TNFSF4: variants seen among roughly 807,000 people sequenced by gnomAD.
TNFSF4 encodes the protein tumor necrosis factor ligand superfamily member 4.
Under a neutral mutation model 7.3 loss-of-function variants are expected in TNFSF4, and 4 were observed. The ratio of observed to expected loss-of-function variants is 0.55; its 90% CI spans 0.27 to 1.25. The LOEUF (loss-of-function observed/expected upper bound fraction) is 1.25. Ranked by LOEUF, TNFSF4 falls within the 50% of genes most tolerant of loss-of-function variation. TNFSF4 has a pLI of 0.12. For missense variants in TNFSF4, 181 were observed against 208.8 expected (o/e 0.87, Z 0.82); for synonymous variants, 76 against 83.7 (o/e 0.91, Z 0.50).
At chr1:173,376,967 C>T in the TNFSF4 span, among the ~76,000 whole-genome samples, 12 of 152,226 alleles carry the variant, frequency 7.9e-5, no homozygotes, top group African/African-American at 2.6e-4. Context: ...TGTAACACTG[C>T]GAGGATCTGC....
the TNFSF4 span, among the ~76,000 whole-genome samples, chr1:173,433,624 C>T: frequency 6.6e-6 from 1 of 151,954 alleles, no homozygotes; most frequent in Non-Finnish European, 1.5e-5. Context: ...ATCACCTGAG[C>T]CTGGGGAGAT....
At chr1:173,446,807 A>G in the TNFSF4 span, among the ~76,000 whole-genome samples, 1 of 152,224 alleles carries the variant, frequency 6.6e-6, no homozygotes, top group Non-Finnish European at 1.5e-5. Flanking sequence ...AAGGGCTCTC[A>G]GACCTTCAGC....
At chr1:173,322,431 A>G in the TNFSF4 span, among the ~76,000 whole-genome samples, 1 of 152,078 alleles carries the variant, frequency 6.6e-6, no homozygotes, top group Non-Finnish European at 1.5e-5. Flanking sequence ...CCGAATAGGA[A>G]CAGCTCCAGT....
chr1:173,269,325 T>C, the TNFSF4 span, among the ~76,000 whole-genome samples: 1 of 152,076 alleles, frequency 6.6e-6, no homozygotes, highest in Non-Finnish European at 1.5e-5. Context: ...ATGCATGAAA[T>C]TCTTTTTACT....
At chr1:173,387,700 A>G in the TNFSF4 span, among the ~76,000 whole-genome samples, 1 of 152,216 alleles carries the variant, frequency 6.6e-6, no homozygotes, top group Non-Finnish European at 1.5e-5. Context: ...CCTCAGGGCT[A>G]AAATATCAGG....
chr1:173,295,448 C>T, the TNFSF4 span, among the ~76,000 whole-genome samples: 3 of 151,950 alleles, frequency 2.0e-5, no homozygotes, highest in Non-Finnish European at 2.9e-5. Flanking sequence ...GATCTTGATC[C>T]CACTTGTTTA....
the TNFSF4 span, among the ~76,000 whole-genome samples, chr1:173,286,857 A>G: frequency 1.3e-5 from 2 of 152,196 alleles, no homozygotes; most frequent in South Asian, 4.1e-4. Flanking sequence ...AAGAATTATT[A>G]TTTAGAATAT....
At chr1:173,402,528 A>G in the TNFSF4 span, among the ~76,000 whole-genome samples, 1 of 152,206 alleles carries the variant, frequency 6.6e-6, no homozygotes, top group Admixed American at 6.5e-5. Flanking sequence ...CATGCTCTGC[A>G]CTGACATGTA....
At chr1:173,413,944 C>T in the TNFSF4 span, among the ~76,000 whole-genome samples, 1 of 152,146 alleles carries the variant, frequency 6.6e-6, no homozygotes, top group Non-Finnish European at 1.5e-5. Context: ...TCCACACCAT[C>T]ATATGGTCAC....
chr1:173,430,513 G>A, the TNFSF4 span, among the ~76,000 whole-genome samples: 1 of 152,146 alleles, frequency 6.6e-6, no homozygotes, highest in Non-Finnish European at 1.5e-5. Flanking sequence ...AGTATTATAG[G>A]GCAAAGGGAT....
the TNFSF4 span, among the ~76,000 whole-genome samples, chr1:173,353,236 A>G: frequency 6.6e-6 from 1 of 152,240 alleles, no homozygotes; most frequent in Non-Finnish European, 1.5e-5. Context: ...TTATAAGAGT[A>G]TTGATTGGGG....
chr1:173,204,902 AAC>A (rs367741572), intron 1 of TNFSF4, among the ~76,000 whole-genome samples: 13,386 of 144,660 alleles, frequency 0.093, 676 homozygotes, highest in Middle Eastern at 0.15. Context: ...AACACACAGA[AAC>A]ACACACACAC....
the TNFSF4 span, among the ~76,000 whole-genome samples, chr1:173,348,082 T>C: frequency 6.6e-6 from 1 of 152,166 alleles, no homozygotes; most frequent in Non-Finnish European, 1.5e-5. Flanking sequence ...GAGCTTGAAA[T>C]ATGTAGAAAA....
the TNFSF4 span, among the ~76,000 whole-genome samples, chr1:173,235,135 A>G: frequency 1.3e-5 from 2 of 152,198 alleles, no homozygotes; most frequent in Non-Finnish European, 2.9e-5. Context: ...CTGAATTAAA[A>G]TCAATGAAAA....
chr1:173,441,448 T>G, the TNFSF4 span, among the ~76,000 whole-genome samples: 1 of 151,906 alleles, frequency 6.6e-6, no homozygotes, highest in African/African-American at 2.4e-5. Context: ...CATGGTGAAA[T>G]CCCATCTCCA....
the TNFSF4 span, among the ~76,000 whole-genome samples, chr1:173,416,638 T>TATTTATTTATTTGAGA: frequency 1.8e-5 from 2 of 110,134 alleles, no homozygotes; most frequent in East Asian, 3.1e-4. Context: ...ATTTATTTTT[T>TATTTATTTATTTGAGA]GAGAGAGAGA....
the TNFSF4 span, chr1:173,363,219 G>T: frequency 6.3e-4 from 179 of 284,386 alleles, 1 homozygote; most frequent in East Asian, 2.0e-3. Flanking sequence ...GTCTTTGATT[G>T]TATCGCCATT....
chr1:173,438,038 T>G, the TNFSF4 span, among the ~76,000 whole-genome samples: 1 of 152,148 alleles, frequency 6.6e-6, no homozygotes, highest in South Asian at 2.1e-4. Context: ...AAAATTTGTA[T>G]ACCTACAAAA....
chr1:173,289,328 C>CG, the TNFSF4 span, among the ~76,000 whole-genome samples: 7 of 151,586 alleles, frequency 4.6e-5, no homozygotes, highest in African/African-American at 9.7e-5. Flanking sequence ...AGTGAGGGGT[C>CG]GGGGGGGCAA....
Sources: allele counts gnomAD v4.1 joint callset (sites outside exome capture counted in the v4.1 genomes callset), GRCh38; gene constraint gnomAD v4.1.1; transcripts MANE v1.5; gene names NCBI Gene and HGNC (gene_info 2026-07-23, HGNC 2026-07-21).